The following ABRAXAS1 variants were observed in gnomAD, a reference collection of about 807,000 sequenced individuals.
The protein encoded by ABRAXAS1 is BRCA1-A complex subunit Abraxas 1.
Under a neutral mutation model 38.4 loss-of-function variants are expected in ABRAXAS1, and 26 were observed. The ratio of observed to expected loss-of-function variants is 0.68; its 90% CI spans 0.50 to 0.94. The LOEUF is 0.94. Among genes scored for constraint, ABRAXAS1 ranks in the 40% least tolerant of loss-of-function variants. ABRAXAS1 has a pLI of 0.00. For missense variants in ABRAXAS1, 438 were observed against 481.9 expected, an observed-to-expected ratio of 0.91 and a Z score of 0.85; for synonymous variants, 144 against 165.5, an observed-to-expected ratio of 0.87 and a Z score of 1.00.
At chr4:83,464,642 A>G (rs1307054860) in intron 7 of ABRAXAS1, among the ~76,000 whole-genome samples, 5 of 152,148 alleles carry the variant, frequency 3.3e-5, no homozygotes, top group African/African-American at 9.7e-5. Context: ...AGAGTTTGCC[A>G]GTTACCCCTG....
chr4:83,460,885 G>T lies in ABRAXAS1; in HGVS notation c.*1584C>A. On this transcript the variant is annotated 3_prime_UTR_variant, in exon 9 of 9. Coordinates refer to ENST00000321945, the MANE Select transcript of ABRAXAS1 (RefSeq NM_139076.3). ...AGCACCACTGTACTCCAGCCTGGGT[G>T]ACACAGGGAGACTCCATCTCAAAAA... is the stretch of plus-strand genomic sequence containing the variant. 2 of 1,113,672 alleles carry T rather than the reference G, an allele frequency of 1.8e-6. No individual in the cohort carries two copies. Among genetic ancestry groups the T allele is most frequent in the South Asian group, 2.8e-5 (2 of 72,712 alleles). The allele number at this position is 1,113,672 out of a possible 1,614,324, so 69.0% of individuals were successfully genotyped here.
rs552252874 is a variant in ABRAXAS1 at position 83,466,427 on chromosome 4, G to A, written c.681+1027C>T. Among the ~76,000 whole-genome samples the A allele has an allele frequency of 3.3e-5, 5 of 152,262 alleles. No homozygotes were observed. In the East Asian group the frequency reaches 9.7e-4, roughly 29 times the overall value. On this transcript the variant is annotated intron_variant, in intron 7 of 8. Coordinates refer to ENST00000321945, the MANE Select transcript of ABRAXAS1 (RefSeq NM_139076.3). ...ATACTTCCCTCTATTCTGTAAGAAG[G>A]ATTATATATCCCTGCCTATTACCAT...
rs371341283 is a variant in ABRAXAS1, at chr4:83,484,786, G to A, written c.87+200C>T. 25 of 453,800 alleles carry A rather than the reference G, an allele frequency of 5.5e-5. 1 individual carries two copies. In the Admixed American group the frequency reaches 5.9e-4, roughly 11 times the overall value. 28.1% of individuals were successfully genotyped at this position (453,800 alleles called of 1,614,324 possible). A position where few individuals can be genotyped will look rare whatever the true frequency, so the allele number is the denominator to read the frequency against. On this transcript the variant is annotated intron_variant, in intron 1 of 8. Coordinates refer to ENST00000321945, the MANE Select transcript of ABRAXAS1 (RefSeq NM_139076.3). ...GAAATAACGGAGGATAGCAGAGGGAGGGCTAATGCTGGAGAAGACTTCGTG... is the reference window on the plus strand; with the variant it reads ...GAAATAACGGAGGATAGCAGAGGGAAGGCTAATGCTGGAGAAGACTTCGTG...
At position 83,462,083 on chromosome 4, in the gene ABRAXAS1, T is replaced by C. The variant is rs954860323; in HGVS notation, c.*386A>G. The C allele has an allele frequency of 8.5e-6, 2 of 235,388 alleles. No homozygotes were observed. The highest frequency in any genetic ancestry group is 4.4e-5 in the African/African-American group (2 of 45,406). 14.6% of individuals were successfully genotyped at this position (235,388 alleles called of 1,614,324 possible). On this transcript the variant is annotated 3_prime_UTR_variant, in exon 9 of 9. Transcript: ENST00000321945. ...TTTCCATTTTATTTTTTAATAGACA[T>C]GGTCTCAATACGTTGCCCAGGCTGG...
chr4:83,482,807 G>A (rs1723045098), intron 1 of ABRAXAS1, among the ~76,000 whole-genome samples: 1 of 152,182 alleles, frequency 6.6e-6, no homozygotes, highest in Non-Finnish European at 1.5e-5. Flanking sequence ...GCCCTGGGGA[G>A]GCTACAGATT....
chr4:83,463,637 G>A, intron 7 of ABRAXAS1, 29 bp from the exon 8 acceptor site: 1 of 1,353,172 alleles, frequency 7.4e-7, no homozygotes, highest in Non-Finnish European at 1.0e-6. Flanking sequence ...TAAGGGCATA[G>A]GTAATATTTC....
At position 83,469,135 on chromosome 4, in the gene ABRAXAS1, G is replaced by A. The variant is rs778316149; in HGVS notation, c.493C>T (p.Pro165Ser). 4 of 1,613,454 alleles carry A rather than the reference G, an allele frequency of 2.5e-6. No homozygotes were observed. The highest frequency in any genetic ancestry group is 3.4e-6 in the Non-Finnish European group (4 of 1,179,690). The part of the protein sequence containing the change: ...KPQKGLFHRV[P>S]LVVANLGMSE... ...ATGCCCAGATTGGCAACCACTAAAG[G>A]TACCCTGTGAAAAAGTCTGACAAAA... Residue 165 changes from proline to serine, a missense_variant, in exon 6 of 9, where the codon CCT (proline) becomes TCT (serine). By Grantham distance (74) the Pro-to-Ser change is moderately conservative. Around this residue, in one of 3 missense-constraint regions of ABRAXAS1, gnomAD observed 194 missense variants for 269.0 expected, o/e 0.72. Transcript: ENST00000321945.
Position 83,461,767 on chromosome 4 carries a change from G to C in ABRAXAS1, c.*702C>G. On this transcript the variant is annotated 3_prime_UTR_variant, in exon 9 of 9. Transcript: ENST00000321945. ...GGCTTGTACTGTATTCAAAATGATA[G>C]ATTTGCTAAATTTCATGCAAAGGAC... 4.4e-6 allele frequency: 1 copy of C among 228,342 alleles called. No individual in the cohort carries two copies. Among genetic ancestry groups the C allele is most frequent in the East Asian group, 6.4e-5 (1 of 15,618 alleles). The allele number at this position is 228,342 out of a possible 1,614,324, so 14.1% of individuals were successfully genotyped here. A position where few individuals can be genotyped will look rare whatever the true frequency, so the allele number is the denominator to read the frequency against.
chr4:83,474,408 C>T (rs1722691841), intron 3 of ABRAXAS1, among the ~76,000 whole-genome samples: 3 of 151,882 alleles, frequency 2.0e-5, no homozygotes, highest in Admixed American at 2.0e-4. Context: ...TTTCTTACAA[C>T]CCTTTAAAAA....
rs1326366931 is a variant in ABRAXAS1, at chr4:83,484,958, C to T, written c.87+28G>A. Reference sequence around the variant, plus strand: ...CGCGCAGGGCTCTTCCCAGGCGACGCCGGACCCCGCCCCGTCCCTCGGCTC... The same window carrying T: ...CGCGCAGGGCTCTTCCCAGGCGACGTCGGACCCCGCCCCGTCCCTCGGCTC... On this transcript the variant is annotated intron_variant, in intron 1 of 8. Coordinates refer to ENST00000321945, the MANE Select transcript of ABRAXAS1 (RefSeq NM_139076.3). The T allele has an allele frequency of 1.2e-5, 19 of 1,551,412 alleles. No homozygotes were observed. In the Middle Eastern group the frequency reaches 5.6e-4, roughly 46 times the overall value.
intron 2 of ABRAXAS1, among the ~76,000 whole-genome samples, chr4:83,480,770 T>C (rs1412259406): frequency 6.6e-6 from 1 of 152,216 alleles, no homozygotes; most frequent in East Asian, 1.9e-4. Flanking sequence ...CAGCTGATTA[T>C]AACATATTTA....
intron 2 of ABRAXAS1, chr4:83,478,667 A>G (rs972991851): frequency 5.0e-6 from 1 of 198,334 alleles, no homozygotes; most frequent in Non-Finnish European, 1.0e-5. Flanking sequence ...GGTATCTTCT[A>G]TGAAGATGGA....
chr4:83,478,992 A>G (rs554648552), intron 2 of ABRAXAS1: 1 of 152,266 alleles, frequency 6.6e-6, no homozygotes, highest in South Asian at 2.1e-4. Context: ...AAAAAAAGTA[A>G]AAAGTATCAA....
chr4:83,483,905 T>G (rs1723083275), intron 1 of ABRAXAS1: 1 of 520,342 alleles, frequency 1.9e-6, no homozygotes, highest in African/African-American at 2.1e-5. Flanking sequence ...TTTCCACAGC[T>G]ACACATATAT....
At chr4:83,479,969 AAAAAAC>A in intron 2 of ABRAXAS1, 1 of 157,094 alleles carries the variant, frequency 6.4e-6, no homozygotes, top group East Asian at 1.9e-4. Flanking sequence ...TCAAAAAAAA[AAAAAAC>A]AAAGAGTGAT....
chr4:83,468,442 C>T (rs751063390), intron 6 of ABRAXAS1, among the ~76,000 whole-genome samples: 3 of 152,038 alleles, frequency 2.0e-5, no homozygotes, highest in African/African-American at 7.2e-5. Context: ...AGTTTACACT[C>T]TAGTAGGTAT....
In ABRAXAS1 at chr4:83,460,142, G is replaced by C. The variant is rs1281501624; in HGVS notation, c.*2327C>G. On this transcript the variant is annotated 3_prime_UTR_variant, in exon 9 of 9. Transcript: ENST00000321945. The stretch of plus-strand genomic sequence containing the variant: ...CCTGCTCCCTTTTTATCTTGATTAG[G>C]TTCATCATATACAAATGCCACTTTT... 2 of 165,170 alleles carry C rather than the reference G, an allele frequency of 1.2e-5. No homozygotes were observed. The highest frequency in any genetic ancestry group is 2.5e-5 in the Non-Finnish European group (2 of 78,668). 10.2% of individuals were successfully genotyped at this position (165,170 alleles called of 1,614,324 possible).
intron 7 of ABRAXAS1, chr4:83,466,875 CAT>C (rs1356553823): frequency 6.5e-6 from 1 of 152,676 alleles, no homozygotes; most frequent in African/African-American, 2.4e-5. Flanking sequence ...GCCATGAGGA[CAT>C]GTCCCAAATA....
intron 2 of ABRAXAS1, chr4:83,479,446 T>C (rs1490335171): frequency 5.9e-5 from 9 of 151,454 alleles, no homozygotes; most frequent in Admixed American, 5.9e-4. Flanking sequence ...TAGGCACTTT[T>C]ATATACTGTG....
Sources: allele counts gnomAD v4.1 joint callset (sites outside exome capture counted in the v4.1 genomes callset), GRCh38; gene constraint gnomAD v4.1.1; regional missense constraint gnomAD v4.1.1; transcripts MANE v1.5; gene names NCBI Gene and HGNC (gene_info 2026-07-23, HGNC 2026-07-21).